The following ASB14 variants were observed in gnomAD, a reference collection of about 807,000 sequenced individuals.
ASB14 encodes ankyrin repeat and SOCS box protein 14.
Under a neutral mutation model 55.6 loss-of-function variants are expected in ASB14, and 63 were observed. That is an observed-to-expected ratio of 1.13 (90% CI 0.92 to 1.40). The LOEUF (loss-of-function observed/expected upper bound fraction) is 1.40. Ranked by LOEUF, ASB14 falls within the 40% of genes most tolerant of loss-of-function variation. The probability of loss-of-function intolerance (pLI) is 0.00; values close to 1 mark genes in which losing one functional copy is unlikely to be tolerated. For missense variants in ASB14, 724 were observed against 710.4 expected (o/e 1.02, Z -0.22); for synonymous variants, 256 against 259.9 (o/e 0.98, Z 0.15).
At position 57,289,063 on chromosome 3, in the gene ASB14, C is replaced by A; in HGVS notation, c.178+5G>T. The A allele has an allele frequency of 1.3e-6, 2 of 1,514,376 alleles. No individual in the cohort carries two copies. The highest frequency in any genetic ancestry group is 2.5e-5 in the East Asian group (1 of 40,766). 93.8% of individuals were successfully genotyped at this position (1,514,376 alleles called of 1,614,324 possible). A position where few individuals can be genotyped will look rare whatever the true frequency, so the allele number is the denominator to read the frequency against. On this transcript the variant is annotated splice_donor_5th_base_variant and intron_variant, in intron 3 of 10. Coordinates refer to ENST00000487349, the MANE Select transcript of ASB14 (RefSeq NM_001142733.3). ...CCACAAGTTAAAGGGGATAGGAGTA[C>A]TTAACTTTCTCTATTGTTTCAACTA...
chr3:57,276,021 C>T (rs1418261940), intron 10 of ASB14, among the ~76,000 whole-genome samples: 2 of 152,058 alleles, frequency 1.3e-5, no homozygotes, highest in Non-Finnish European at 2.9e-5. Context: ...CACTGAGGGT[C>T]TTGGAACGTA....
intron 5 of ASB14, among the ~76,000 whole-genome samples, chr3:57,285,084 G>C (rs2061071339): frequency 6.6e-6 from 1 of 151,824 alleles, no homozygotes; most frequent in Non-Finnish European, 1.5e-5. Context: ...GGGATTACAG[G>C]TGCCTGCCAC....
chr3:57,280,706 A>G, intron 6 of ASB14, among the ~76,000 whole-genome samples: 1 of 152,212 alleles, frequency 6.6e-6, no homozygotes, highest in East Asian at 1.9e-4. Context: ...TTTTTGAAGT[A>G]ATTTGATGTC....
intron 5 of ASB14, among the ~76,000 whole-genome samples, chr3:57,286,006 A>T (rs531003369): frequency 6.6e-6 from 1 of 152,218 alleles, no homozygotes; most frequent in Non-Finnish European, 1.5e-5. Context: ...GAGATTTCCT[A>T]TGTCTGAAAA....
In ASB14 at chr3:57,278,749, A is replaced by G. The variant is rs1217087027; in HGVS notation, c.1059T>C (p.Asp353=). ...MLDQRINKHY[D]DHRKSALYFA... ...AATACAAAGCTGACTTCCTGTGGTC[A>G]TCGTAGTGTTTGTTAATTCTCTGAT... The change falls in exon 8 of 11, where the codon GAT becomes GAC. Residue 353 remains aspartate, a synonymous_variant. Transcript: ENST00000487349. 3 of 1,613,680 alleles carry G rather than the reference A, an allele frequency of 1.9e-6. No homozygotes were observed. Among genetic ancestry groups the G allele is most frequent in the South Asian group, 2.2e-5 (2 of 91,012 alleles).
rs1181255575 is a variant in ASB14, at chr3:57,284,088, C to CTGTGTGTGTGTG, written c.470-650_470-649insCACACACACACA. Among the ~76,000 whole-genome samples the CTGTGTGTGTGTG allele has an allele frequency of 2.3e-3, 96 of 41,354 alleles. 2 individuals carry two copies. Among genetic ancestry groups the CTGTGTGTGTGTG allele is most frequent in the African/African-American group, 5.8e-3 (86 of 14,918 alleles). The allele number at this position is 41,354 out of a possible 152,430, so 27.1% of individuals were successfully genotyped here. On this transcript the variant is annotated intron_variant, in intron 5 of 10. Coordinates refer to ENST00000487349, the MANE Select transcript of ASB14 (RefSeq NM_001142733.3). ...AATAATAATAAAAGGCTTGGGAACA[C>CTGTGTGTGTGTG]TGTGTATGTGTGTGTGTGTGTGTGT...
intron 6 of ASB14, 90 bp from the exon 7 acceptor site, chr3:57,280,563 G>A: frequency 1.7e-6 from 2 of 1,198,110 alleles, no homozygotes; most frequent in Non-Finnish European, 2.3e-6. Context: ...TCACCAAAAA[G>A]CAATTAGTGA....
chr3:57,288,993 C>A, intron 3 of ASB14, 75 bp downstream of exon 3: 1 of 1,177,412 alleles, frequency 8.5e-7, no homozygotes, highest in Non-Finnish European at 1.2e-6. Flanking sequence ...ACTGGGATTA[C>A]AGGCGTGAGC....
chr3:57,272,134 C>T (rs1325552705), intron 10 of ASB14: 7 of 152,140 alleles, frequency 4.6e-5, no homozygotes, highest in African/African-American at 1.4e-4. Context: ...AACAAAACTC[C>T]TTTTTAAAAA....
intron 7 of ASB14, among the ~76,000 whole-genome samples, chr3:57,279,274 T>C (rs896120901): frequency 2.9e-5 from 4 of 138,560 alleles, no homozygotes; most frequent in East Asian, 2.1e-4. Flanking sequence ...CTTTTTTTTT[T>C]TTTTTTTTTT....
chr3:57,273,927 C>T (rs551564271), intron 10 of ASB14, among the ~76,000 whole-genome samples: 1 of 152,104 alleles, frequency 6.6e-6, no homozygotes, highest in Admixed American at 6.5e-5. Flanking sequence ...TTAGAAGGTA[C>T]AGGGAATAGA....
chr3:57,283,462 G>C (rs749167536), intron 5 of ASB14, 23 bp from the exon 6 acceptor site: 10 of 1,546,266 alleles, frequency 6.5e-6, no homozygotes, highest in Middle Eastern at 1.9e-4. Context: ...AAGTGTGGTG[G>C]GCATGTTCAA....
chr3:57,279,914 G>T (rs547107749), intron 7 of ASB14, among the ~76,000 whole-genome samples: 1 of 152,012 alleles, frequency 6.6e-6, no homozygotes, highest in Non-Finnish European at 1.5e-5. Context: ...GGCAGCGGGG[G>T]TTGGGGGGGA....
In ASB14 at chr3:57,279,264, C is replaced by CT. The variant is rs869152915; in HGVS notation, c.888-345dup. Among the ~76,000 whole-genome samples, 359 of 88,060 alleles carry CT rather than the reference C, an allele frequency of 4.1e-3. 18 individuals are homozygous for CT. The highest frequency in any genetic ancestry group is 0.014 in the African/African-American group (321 of 22,546). The allele number at this position is 88,060 out of a possible 152,430, so 57.8% of individuals were successfully genotyped here. The stretch of plus-strand genomic sequence containing the variant: ...TCTTCCTAGTTGGTCAAGAGTTTTT[C>CT]TTTTTTTTTTTTTTTTTTTTTTTTT... On this transcript the variant is annotated intron_variant, in intron 7 of 10. Transcript: ENST00000487349.
In ASB14 at chr3:57,288,194, C is replaced by G; in HGVS notation, c.271G>C (p.Val91Leu). The G allele has an allele frequency of 6.5e-7, 1 of 1,537,080 alleles. No individual in the cohort carries two copies. Among genetic ancestry groups the G allele is most frequent in the Non-Finnish European group, 8.7e-7 (1 of 1,146,688 alleles). The part of the protein sequence containing the change: ...IGWIPLHKAA[V>L]QLNRKILEIT... ...TCCAAAATTTTCCTATTTAATTGCA[C>G]TGCAGCCTTATGCAGAGGAATCCAG... is the stretch of plus-strand genomic sequence containing the variant. Residue 91 changes from valine (V) to leucine (L), a missense_variant, in exon 4 of 11, where the codon GTG (valine) becomes CTG (leucine). Physicochemically the swap from Val to Leu is conservative, Grantham distance 32. Transcript: ENST00000487349.
At chr3:57,276,029 G>A (rs1442609679) in intron 10 of ASB14, among the ~76,000 whole-genome samples, 3 of 152,078 alleles carry the variant, frequency 2.0e-5, no homozygotes, top group African/African-American at 7.2e-5. Flanking sequence ...GTCTTGGAAC[G>A]TATCCTCTGA....
intron 10 of ASB14, among the ~76,000 whole-genome samples, chr3:57,275,900 GACC>G (rs1040876269): frequency 1.3e-5 from 2 of 152,088 alleles, no homozygotes; most frequent in Non-Finnish European, 2.9e-5. Flanking sequence ...ATCTTTATGG[GACC>G]ACCATTACAT....
chr3:57,283,950 T>G (rs931291449), intron 5 of ASB14, among the ~76,000 whole-genome samples: 2 of 152,134 alleles, frequency 1.3e-5, no homozygotes, highest in African/African-American at 4.8e-5. Context: ...ATGATAGTTT[T>G]GGCCTATCAT....
chr3:57,288,330 T>C, intron 3 of ASB14, 44 bp from the exon 4 acceptor site: 1 of 1,529,224 alleles, frequency 6.5e-7, no homozygotes, highest in South Asian at 1.2e-5. Flanking sequence ...TTGGCACACT[T>C]ACAAGGAAGC....
Sources: allele counts gnomAD v4.1 joint callset (sites outside exome capture counted in the v4.1 genomes callset), GRCh38; gene constraint gnomAD v4.1.1; transcripts MANE v1.5; gene names NCBI Gene and HGNC (gene_info 2026-07-23, HGNC 2026-07-21).